The following PKIB variants were observed in gnomAD, a reference collection of about 807,000 sequenced individuals.
PKIB encodes PKI-beta.
A neutral mutation model predicts 4.5 loss-of-function variants in PKIB; 2 were observed. That is an observed-to-expected ratio of 0.44 (90% CI 0.18 to 1.39). The LOEUF (loss-of-function observed/expected upper bound fraction) is 1.39. PKIB is among the 40% of genes most tolerant of loss of function. The probability of loss-of-function intolerance (pLI) is 0.27; values close to 1 mark genes in which losing one functional copy is unlikely to be tolerated. For missense variants in PKIB, 94 were observed against 92.6 expected (o/e 1.02, Z -0.06); for synonymous variants, 38 against 36.0 (o/e 1.06, Z -0.20).
At chr6:122,571,583 G>A (rs1773369137) in intron 2 of PKIB, among the ~76,000 whole-genome samples, 1 of 152,190 alleles carries the variant, frequency 6.6e-6, no homozygotes, top group African/African-American at 2.4e-5. Flanking sequence ...AGAAGGGATT[G>A]GGGTCCTATC....
intron 3 of PKIB, among the ~76,000 whole-genome samples, chr6:122,694,148 C>T (rs1778463362): frequency 6.6e-6 from 1 of 152,116 alleles, no homozygotes; most frequent in African/African-American, 2.4e-5. Flanking sequence ...CCCTCACCCC[C>T]AAGAGTATTA....
At chr6:122,653,643 G>GAAA (rs71541210) in intron 2 of PKIB, among the ~76,000 whole-genome samples, 5 of 140,870 alleles carry the variant, frequency 3.5e-5, no homozygotes, top group African/African-American at 5.3e-5. Context: ...GGGATTATTT[G>GAAA]AAAAAAAAAA....
chr6:122,690,187 C>CT lies in PKIB; in HGVS notation c.-9+15054dup, dbSNP rs574935158. Reference sequence around the variant, plus strand: ...ATAGGCAACAGATCATTGGGTCTTTCTTTTTTTTTTTAATCCATTCAACCA... The same window carrying CT: ...ATAGGCAACAGATCATTGGGTCTTTCTTTTTTTTTTTTAATCCATTCAACCA... On this transcript the variant is annotated intron_variant, in intron 3 of 4. Coordinates refer to ENST00000368452, the MANE Select transcript of PKIB (RefSeq NM_181795.3). Among the ~76,000 whole-genome samples, 477 of 142,210 alleles carry CT rather than the reference C, an allele frequency of 3.4e-3. 2 individuals are homozygous for CT. Among genetic ancestry groups the CT allele is most frequent in the Admixed American group, 4.4e-3 (62 of 14,234 alleles). The allele number at this position is 142,210 out of a possible 152,430, so 93.3% of individuals were successfully genotyped here.
chr6:122,715,144 A>G (rs1032324256), intron 3 of PKIB, among the ~76,000 whole-genome samples: 8 of 152,038 alleles, frequency 5.3e-5, no homozygotes, highest in African/African-American at 1.4e-4. Context: ...TTTCAACTCA[A>G]TATTCATTTA....
intron 3 of PKIB, among the ~76,000 whole-genome samples, chr6:122,704,576 A>G (rs1778977753): frequency 6.6e-6 from 1 of 152,226 alleles, no homozygotes; most frequent in African/African-American, 2.4e-5. Context: ...TATCTCAGGA[A>G]TTGGAACATG....
At chr6:122,641,592 C>A (rs1776123476) in intron 2 of PKIB, among the ~76,000 whole-genome samples, 1 of 152,100 alleles carries the variant, frequency 6.6e-6, no homozygotes, top group Non-Finnish European at 1.5e-5. Flanking sequence ...GTGTTAAAGC[C>A]AAATAATTAG....
At chr6:122,544,698 G>A (rs908013513) in intron 2 of PKIB, among the ~76,000 whole-genome samples, 1 of 151,956 alleles carries the variant, frequency 6.6e-6, no homozygotes, top group African/African-American at 2.4e-5. Flanking sequence ...TCAACAGAGT[G>A]AACAGACAAC....
intron 2 of PKIB, chr6:122,481,409 A>G (rs1293352879): frequency 6.6e-6 from 1 of 152,252 alleles, no homozygotes; most frequent in Non-Finnish European, 1.5e-5. Context: ...TGGATTAGAT[A>G]CTGGAGCAGA....
At chr6:122,617,801 C>A (rs1192486002) in intron 1 of PKIB, among the ~76,000 whole-genome samples, 2 of 151,982 alleles carry the variant, frequency 1.3e-5, no homozygotes, top group African/African-American at 4.8e-5. Context: ...AAAAGATTTA[C>A]TTTATTAAGT....
At position 122,701,368 on chromosome 6, in the gene PKIB, C is replaced by G. The variant is rs911806430; in HGVS notation, c.-8-16419C>G. The stretch of plus-strand genomic sequence containing the variant: ...GGCTAGACATGGTGATCAGAGAGCT[C>G]TAGCCTGAGCTCTGGTAAGCAGGAA... On this transcript the variant is annotated intron_variant, in intron 3 of 4. Transcript: ENST00000368452. 1.7e-5 allele frequency: 22 copies of G among 1,309,420 alleles called. No individual in the cohort carries two copies. The African/African-American group carries it at 2.8e-4, about 17-fold the overall frequency. 81.1% of individuals were successfully genotyped at this position (1,309,420 alleles called of 1,614,324 possible).
chr6:122,694,755 A>G (rs371259776), intron 3 of PKIB, among the ~76,000 whole-genome samples: 1 of 152,228 alleles, frequency 6.6e-6, no homozygotes, highest in East Asian at 1.9e-4. Context: ...GAGCAGATGG[A>G]TGGAGCAGAG....
At chr6:122,661,468 C>T (rs1303855328) in intron 2 of PKIB, among the ~76,000 whole-genome samples, 1 of 152,162 alleles carries the variant, frequency 6.6e-6, no homozygotes, top group Non-Finnish European at 1.5e-5. Context: ...ACATGTGGTT[C>T]CTCTCATTTA....
At chr6:122,668,325 A>G (rs984584652) in intron 2 of PKIB, among the ~76,000 whole-genome samples, 2 of 152,200 alleles carry the variant, frequency 1.3e-5, no homozygotes, top group Non-Finnish European at 2.9e-5. Flanking sequence ...AAGACCGTGG[A>G]TAATGCAGTC....
chr6:122,586,288 T>C (rs1562260905), intron 3 of PKIB, among the ~76,000 whole-genome samples: 1 of 152,164 alleles, frequency 6.6e-6, no homozygotes, highest in Non-Finnish European at 1.5e-5. Flanking sequence ...GTTAGGTTTT[T>C]CATTATTTGT....
At chr6:122,522,084 CTT>C (rs1291479697) in intron 2 of PKIB, among the ~76,000 whole-genome samples, 2 of 152,024 alleles carry the variant, frequency 1.3e-5, no homozygotes, top group African/African-American at 2.4e-5. Context: ...CTTGAATTTG[CTT>C]TTTGTCTAAC....
chr6:122,655,707 GA>G lies in PKIB; in HGVS notation c.-75-19366del, dbSNP rs532187400. ...AAAGTACACATATATAGAATTATGGGAAAAATATATATTTCTAAAGAGAATA... is the reference window on the plus strand; with the variant it reads ...AAAGTACACATATATAGAATTATGGGAAAATATATATTTCTAAAGAGAATA... On this transcript the variant is annotated intron_variant, in intron 2 of 4. Coordinates refer to ENST00000368452, the MANE Select transcript of PKIB (RefSeq NM_181795.3). 1.4e-4 allele frequency among the ~76,000 whole-genome samples: 22 copies of G among 152,148 alleles called. 1 individual carries two copies. The South Asian group carries it at 3.9e-3, about 27-fold the overall frequency.
chr6:122,566,878 TTAG>T (rs1773211337), intron 2 of PKIB, among the ~76,000 whole-genome samples: 1 of 152,314 alleles, frequency 6.6e-6, no homozygotes. Context: ...GGACTTTCCC[TTAG>T]TAGGAACATT....
At chr6:122,584,145 C>T (rs560956279) in intron 2 of PKIB, among the ~76,000 whole-genome samples, 1 of 151,992 alleles carries the variant, frequency 6.6e-6, no homozygotes, top group Non-Finnish European at 1.5e-5. Context: ...TTAAAACATG[C>T]ACAGTCTAAT....
intron 2 of PKIB, among the ~76,000 whole-genome samples, chr6:122,635,445 A>T (rs2114832647): frequency 6.6e-6 from 1 of 152,184 alleles, no homozygotes; most frequent in Middle Eastern, 3.4e-3. Flanking sequence ...ATTACTAGAA[A>T]TATACACTCT....
Sources: allele counts gnomAD v4.1 joint callset (sites outside exome capture counted in the v4.1 genomes callset), GRCh38; gene constraint gnomAD v4.1.1; transcripts MANE v1.5; gene names NCBI Gene and HGNC (gene_info 2026-07-23, HGNC 2026-07-21).